PPP1R36: variants seen among roughly 807,000 people sequenced by gnomAD.
PPP1R36 encodes the protein chromosome 14 open reading frame 50.
In PPP1R36, 47 loss-of-function variants were observed where a neutral mutation model predicts 53.4. The observed-to-expected ratio is 0.88, with a 90% confidence interval of 0.70 to 1.12. The LOEUF is 1.12. Among genes scored for constraint, PPP1R36 ranks in the 50% most tolerant of loss-of-function variants. PPP1R36 has a pLI of 0.00. For synonymous variants in PPP1R36, 153 were observed against 170.5 expected (o/e 0.90, Z 0.80); for missense variants, 456 against 513.9 (o/e 0.89, Z 1.09).
chr14:64,577,027 A>G (rs192113589), intron 8 of PPP1R36, among the ~76,000 whole-genome samples: 4 of 152,314 alleles, frequency 2.6e-5, no homozygotes, highest in Non-Finnish European at 4.4e-5. Context: ...CTTATAAACA[A>G]CAGAAATGTA....
chr14:64,551,747 G>A, intron 2 of PPP1R36: 1 of 447,290 alleles, frequency 2.2e-6, no homozygotes, highest in Admixed American at 2.4e-5. Context: ...CCCTTTTCAT[G>A]TACTCGCTGT....
At chr14:64,554,139 A>ATTTT (rs1235272685) in intron 3 of PPP1R36, among the ~76,000 whole-genome samples, 3 of 109,016 alleles carry the variant, frequency 2.8e-5, no homozygotes, top group Non-Finnish European at 3.7e-5. Flanking sequence ...TCCCATCACA[A>ATTTT]TTGTTTTTTT....
At chr14:64,574,124 C>A (rs2080324688) in intron 7 of PPP1R36, among the ~76,000 whole-genome samples, 1 of 152,124 alleles carries the variant, frequency 6.6e-6, no homozygotes, top group African/African-American at 2.4e-5. Flanking sequence ...CGCCTGCCAT[C>A]CCAACACTTT....
At chr14:64,581,876 T>A (rs920869173) in intron 8 of PPP1R36, among the ~76,000 whole-genome samples, 1 of 152,204 alleles carries the variant, frequency 6.6e-6, no homozygotes, top group East Asian at 1.9e-4. Flanking sequence ...GATGAACACG[T>A]TCAGTAAAAG....
intron 8 of PPP1R36, among the ~76,000 whole-genome samples, chr14:64,584,596 C>T (rs1163284459): frequency 1.3e-5 from 2 of 152,196 alleles, no homozygotes; most frequent in African/African-American, 4.8e-5. Flanking sequence ...GTACGTTTAT[C>T]TGCAAACTAT....
intron 7 of PPP1R36, among the ~76,000 whole-genome samples, chr14:64,573,213 A>G (rs2080316538): frequency 6.6e-6 from 1 of 152,212 alleles, no homozygotes; most frequent in African/African-American, 2.4e-5. Flanking sequence ...AGAAACTTAA[A>G]ATTTGGCTTC....
intron 2 of PPP1R36, chr14:64,551,545 T>G (rs1669582058): frequency 4.4e-6 from 2 of 455,328 alleles, no homozygotes; most frequent in African/African-American, 4.0e-5. Flanking sequence ...CACTATCTGT[T>G]GTGCACTGAT....
At chr14:64,553,360 A>G (rs1471113055) in intron 3 of PPP1R36, among the ~76,000 whole-genome samples, 1 of 152,196 alleles carries the variant, frequency 6.6e-6, no homozygotes, top group Non-Finnish European at 1.5e-5. Context: ...TCAGTTTCAT[A>G]TCATCTTTCA....
In PPP1R36 at chr14:64,588,091, T is replaced by G; in HGVS notation, c.891-13T>G. 1 of 1,585,740 alleles carries G rather than the reference T, an allele frequency of 6.3e-7. No individual in the cohort carries two copies. The highest frequency in any genetic ancestry group is 8.6e-7 in the Non-Finnish European group (1 of 1,164,146). ...GGGTGATATGACCTAAATGTCACCTTCCTCCCCGACAGGAGAATGATGGCA... is the reference window on the plus strand; with the variant it reads ...GGGTGATATGACCTAAATGTCACCTGCCTCCCCGACAGGAGAATGATGGCA... On this transcript the variant is annotated splice_polypyrimidine_tract_variant and intron_variant, in intron 10 of 11. Coordinates refer to ENST00000298705, the MANE Select transcript of PPP1R36 (RefSeq NM_172365.3).
chr14:64,578,435 A>C (rs1327216364), intron 8 of PPP1R36, among the ~76,000 whole-genome samples: 1 of 152,256 alleles, frequency 6.6e-6, no homozygotes, highest in Non-Finnish European at 1.5e-5. Context: ...TTTAAAAATC[A>C]GAGTACATCA....
intron 11 of PPP1R36, 42 bp downstream of exon 11, chr14:64,588,337 C>T: frequency 6.5e-7 from 1 of 1,544,054 alleles, no homozygotes. Context: ...CTTGAGGTGG[C>T]ATCCCAGGTG....
chr14:64,551,033 G>C, intron 2 of PPP1R36, 48 bp downstream of exon 2: 1 of 1,283,878 alleles, frequency 7.8e-7, no homozygotes, highest in East Asian at 2.3e-5. Context: ...AATTACATGT[G>C]CCTGGGGGAA....
Position 64,551,005 on chromosome 14 carries a change from T to C in PPP1R36, c.134+20T>C. 1 of 1,520,594 alleles carries C rather than the reference T, an allele frequency of 6.6e-7. No individual in the cohort carries two copies. Among genetic ancestry groups the C allele is most frequent in the South Asian group, 1.2e-5 (1 of 86,336 alleles). The allele number at this position is 1,520,594 out of a possible 1,614,324, so 94.2% of individuals were successfully genotyped here. On this transcript the variant is annotated intron_variant, in intron 2 of 11. Transcript: ENST00000298705. Reference sequence around the variant, plus strand: ...CAGAAGGTAAAATTTAACAACACTTTATTAGAGTTTTTATAAAAATTACAT... The same window carrying C: ...CAGAAGGTAAAATTTAACAACACTTCATTAGAGTTTTTATAAAAATTACAT...
intron 7 of PPP1R36, among the ~76,000 whole-genome samples, chr14:64,571,030 C>T (rs781340816): frequency 6.6e-6 from 1 of 152,208 alleles, no homozygotes; most frequent in Non-Finnish European, 1.5e-5. Flanking sequence ...CCCAGCACTT[C>T]CCACCAATCA....
chr14:64,563,090 T>C (rs1001447807), intron 3 of PPP1R36, among the ~76,000 whole-genome samples: 1 of 152,204 alleles, frequency 6.6e-6, no homozygotes, highest in African/African-American at 2.4e-5. Flanking sequence ...GGTCTCAAAC[T>C]CCCGACCTCA....
Position 64,549,993 on chromosome 14 carries a change from A to G in PPP1R36, c.-5A>G. 1 of 1,566,138 alleles carries G rather than the reference A, an allele frequency of 6.4e-7. No homozygotes were observed. The highest frequency in any genetic ancestry group is 2.4e-5 in the East Asian group (1 of 42,044). On this transcript the variant is annotated 5_prime_UTR_variant, in exon 1 of 12. Coordinates refer to ENST00000298705, the MANE Select transcript of PPP1R36 (RefSeq NM_172365.3). ...GCGACGCCGTATGGCTTCCAGGGCGAGGCCATGTACCGGGTGCCCGAGTTT... is the reference window on the plus strand; with the variant it reads ...GCGACGCCGTATGGCTTCCAGGGCGGGGCCATGTACCGGGTGCCCGAGTTT...
intron 3 of PPP1R36, among the ~76,000 whole-genome samples, chr14:64,556,565 C>G (rs1427629880): frequency 6.6e-6 from 1 of 150,954 alleles, no homozygotes; most frequent in Admixed American, 6.6e-5. Context: ...AGTTTGAGAC[C>G]AGCCTGGGCA....
Position 64,550,050 on chromosome 14 carries a change from C to A in PPP1R36, c.53C>A (p.Thr18Asn), listed in dbSNP as rs2080081602. ...AGGAGGAAGCGGTTAGGTGGGCAGA[C>A]CCCTTACTTGATGGATGTAAGTGCA... ...YARRKRLGGQ[T>N]PYLMDQLGLR... Residue 18 changes from threonine (T) to asparagine (N), a missense_variant, in exon 1 of 12, where the codon ACC becomes AAC. Thr to Asn is a moderately conservative substitution (Grantham distance 65, BLOSUM62 0). Transcript: ENST00000298705. 1.9e-6 allele frequency: 3 copies of A among 1,568,676 alleles called. No homozygotes were observed. The highest frequency in any genetic ancestry group is 2.7e-5 in the African/African-American group (2 of 73,952).
At position 64,588,166 on chromosome 14, in the gene PPP1R36, C is replaced by G. The variant is rs942012375; in HGVS notation, c.953C>G (p.Ser318Cys). 1 of 1,613,926 alleles carries G rather than the reference C, an allele frequency of 6.2e-7. No homozygotes were observed. The highest frequency in any genetic ancestry group is 1.3e-5 in the African/African-American group (1 of 74,934). ...ATCAACATGCGTTCTCCAGTCATGT[C>G]TACTCTGCTGCCATCTCTCAGAGAA... ...KAINMRSPVM[S>C]TLLPSLREKA... The change falls in exon 11 of 12, where the codon TCT becomes TGT. Residue 318 changes from serine (S) to cysteine (C), a missense_variant. Coordinates refer to ENST00000298705, the MANE Select transcript of PPP1R36 (RefSeq NM_172365.3).
Sources: allele counts gnomAD v4.1 joint callset (sites outside exome capture counted in the v4.1 genomes callset), GRCh38; gene constraint gnomAD v4.1.1; transcripts MANE v1.5; gene names NCBI Gene and HGNC (gene_info 2026-07-23, HGNC 2026-07-21).